SPRY3: variants seen among roughly 807,000 people sequenced by gnomAD.
SPRY3 encodes the protein sprouty RTK signaling antagonist 3, also known as protein sprouty homolog 3.
In SPRY3, 15 loss-of-function variants were observed where a neutral mutation model predicts 20.2. That is an observed-to-expected ratio of 0.74 (90% CI 0.50 to 1.14). The LOEUF is 1.14. Ranked by LOEUF, SPRY3 falls within the 50% of genes most tolerant of loss-of-function variation. SPRY3 has a pLI of 0.00. For synonymous variants in SPRY3, 143 were observed against 136.5 expected, an observed-to-expected ratio of 1.05 and a Z score of -0.33; for missense variants, 364 against 363.9, an observed-to-expected ratio of 1.00 and a Z score of 0.00.
At chrX:155,766,695 A>G (rs929813690) in intron 2 of SPRY3, among the ~76,000 whole-genome samples, 1 of 152,196 alleles carries the variant, frequency 6.6e-6, no homozygotes, top group Admixed American at 6.5e-5. Context: ...AGGGTAATTT[A>G]CAGAAAGCTT....
chrX:155,703,593 G>C lies in SPRY3; in HGVS notation c.-282+46568G>C, dbSNP rs770354220. Among the ~76,000 whole-genome samples, 29 of 125,232 alleles carry C rather than the reference G, an allele frequency of 2.3e-4. No homozygotes were observed. The East Asian group carries it at 6.5e-3, about 28-fold the overall frequency. 82.2% of individuals were successfully genotyped at this position (125,232 alleles called of 152,430 possible). A position where few individuals can be genotyped will look rare whatever the true frequency, so the allele number is the denominator to read the frequency against. ...TCCTGGATTCATTGATTTTTTGAAG[G>C]GTTTTTTGTGTCTCTATTTCCTTGA... On this transcript the variant is annotated intron_variant, in intron 2 of 3. Transcript: ENST00000675360.
intron 2 of SPRY3, among the ~76,000 whole-genome samples, chrX:155,728,595 G>A (rs1008816501): frequency 4.0e-4 from 61 of 152,210 alleles, no homozygotes; most frequent in Non-Finnish European, 6.0e-4. Context: ...GCAAGGCTCC[G>A]TGGGCATGGG....
At chrX:155,635,161 T>C (rs186951707) in intron 1 of SPRY3, among the ~76,000 whole-genome samples, 1 of 110,734 alleles carries the variant, frequency 9.0e-6, no homozygotes, top group Non-Finnish European at 1.9e-5. Flanking sequence ...TTTGTGTTAG[T>C]TTGCTGAGAA....
At chrX:155,712,313 A>G (rs1282210282) in intron 2 of SPRY3, among the ~76,000 whole-genome samples, 1 of 151,862 alleles carries the variant, frequency 6.6e-6, no homozygotes, top group Non-Finnish European at 1.5e-5. Context: ...CTATTATTGT[A>G]TTGGGGTCTA....
rs781804107 is a variant in SPRY3 at position 155,657,120 on chromosome X, C to T, written c.-282+95C>T. ...AGGCAGTCTGTCCCTTAGCAGAGCT[C>T]GAGCACTGTGCTGGGGGAACCCTCC... On this transcript the variant is annotated intron_variant, in intron 2 of 3. Transcript: ENST00000675360. 1.2e-3 allele frequency among the ~76,000 whole-genome samples: 132 copies of T among 111,951 alleles called. No individual in the cohort carries two copies. In the Middle Eastern group the frequency reaches 0.028, roughly 23 times the overall value.
chrX:155,735,063 A>C (rs1323688508), intron 2 of SPRY3, among the ~76,000 whole-genome samples: 2 of 151,764 alleles, frequency 1.3e-5, no homozygotes, highest in African/African-American at 4.8e-5. Flanking sequence ...ATTTTCATTT[A>C]ATTAAAAAAA....
chrX:155,743,498 G>A (rs2091212972), intron 2 of SPRY3, among the ~76,000 whole-genome samples: 1 of 152,124 alleles, frequency 6.6e-6, no homozygotes, highest in Non-Finnish European at 1.5e-5. Flanking sequence ...CTGGGCCACA[G>A]TTTCTTTATG....
intron 2 of SPRY3, among the ~76,000 whole-genome samples, chrX:155,759,127 C>T (rs760324523): frequency 1.3e-5 from 2 of 150,216 alleles, no homozygotes; most frequent in East Asian, 3.9e-4. Flanking sequence ...GTGGCACAAT[C>T]TCACTGCAAC....
chrX:155,703,790 T>C (rs769018757), intron 2 of SPRY3, among the ~76,000 whole-genome samples: 1 of 151,978 alleles, frequency 6.6e-6, no homozygotes, highest in Non-Finnish European at 1.5e-5. Flanking sequence ...GCTTTGAATG[T>C]GTCCCAGAGA....
downstream of SPRY3, chrX:155,778,299 T>A (rs774270468): frequency 2.4e-5 from 4 of 167,180 alleles, no homozygotes; most frequent in South Asian, 8.3e-4. Context: ...AAAATAAGTA[T>A]CTTGCTATGT....
At chrX:155,742,418 A>G (rs2091208188) in intron 2 of SPRY3, among the ~76,000 whole-genome samples, 1 of 152,156 alleles carries the variant, frequency 6.6e-6, no homozygotes, top group South Asian at 2.1e-4. Flanking sequence ...TCCACTGTCA[A>G]TATTAGACAG....
At chrX:155,774,532 C>T (rs779085333) in exon 4 of SPRY3, 20 of 1,613,858 alleles carry the variant, frequency 1.2e-5, no homozygotes, top group South Asian at 2.2e-5. Context: ...TTGCTTTGTC[C>T]GCTGGGCAGC....
chrX:155,719,398 C>G (rs1352527855), intron 2 of SPRY3, among the ~76,000 whole-genome samples: 2 of 152,098 alleles, frequency 1.3e-5, no homozygotes, highest in African/African-American at 4.8e-5. Context: ...GCCACAAGGA[C>G]AGCAACCTCT....
At chrX:155,752,655 A>T (rs1423840102) in intron 2 of SPRY3, among the ~76,000 whole-genome samples, 1 of 151,860 alleles carries the variant, frequency 6.6e-6, no homozygotes, top group Non-Finnish European at 1.5e-5. Flanking sequence ...CAATATTTAT[A>T]TTTAAAAGTA....
At chrX:155,711,434 T>C (rs111876488) in intron 2 of SPRY3, among the ~76,000 whole-genome samples, 8 of 151,850 alleles carry the variant, frequency 5.3e-5, no homozygotes, top group African/African-American at 1.4e-4. Flanking sequence ...TTCCAATTTA[T>C]TGGCATATAG....
At chrX:155,739,002 C>G (rs1406214597) in intron 2 of SPRY3, among the ~76,000 whole-genome samples, 3 of 151,858 alleles carry the variant, frequency 2.0e-5, no homozygotes, top group Non-Finnish European at 1.5e-5. Flanking sequence ...AGGCAGCAGG[C>G]TGGAGATGGC....
exon 4 of SPRY3, chrX:155,776,151 CTAGT>C (rs2091424281): frequency 6.0e-6 from 1 of 167,054 alleles, no homozygotes; most frequent in South Asian, 2.1e-4. Flanking sequence ...GGAACCATGC[CTAGT>C]TAGTGTGGTG....
chrX:155,706,991 T>A (rs1417911166), intron 2 of SPRY3, among the ~76,000 whole-genome samples: 2 of 151,136 alleles, frequency 1.3e-5, no homozygotes, highest in Admixed American at 6.6e-5. Context: ...TCTATTTCAT[T>A]GATTTGTGCT....
At chrX:155,723,011 C>G (rs2091071237) in intron 2 of SPRY3, among the ~76,000 whole-genome samples, 1 of 151,620 alleles carries the variant, frequency 6.6e-6, no homozygotes, top group Non-Finnish European at 1.5e-5. Flanking sequence ...CAGTTCCCAC[C>G]TATGAGTGAG....
Sources: gnomAD v4.1 joint callset for allele counts (sites outside exome capture counted in the v4.1 genomes callset) on GRCh38, gnomAD v4.1.1 for gene constraint, MANE v1.5 for transcripts, NCBI Gene and HGNC (gene_info 2026-07-23, HGNC 2026-07-21) for gene names.